Variants in PIERCE1 observed in about 807,000 individuals in gnomAD.
PIERCE1 encodes the protein piercer of microtubule wall 1 protein.
At chr9:135,495,912 C>T in the PIERCE1 span, among the ~76,000 whole-genome samples, 66,574 of 151,984 alleles carry the variant, frequency 0.44, 15,125 homozygotes, top group East Asian at 0.84. Flanking sequence ...TGGAGTCACC[C>T]CCAGGTCTGC....
chr9:135,495,383 G>A, the PIERCE1 span: 3 of 1,535,948 alleles, frequency 2.0e-6, no homozygotes, highest in Non-Finnish European at 2.6e-6. Context: ...GATTTTCCAG[G>A]AGGCCCTGGG....
At chr9:135,497,873 A>G in the PIERCE1 span, among the ~76,000 whole-genome samples, 1 of 152,334 alleles carries the variant, frequency 6.6e-6, no homozygotes, top group South Asian at 2.1e-4. Context: ...CAACTAAATA[A>G]GCACTCACCA....
the PIERCE1 span, among the ~76,000 whole-genome samples, chr9:135,496,794 A>ATTTTTTTTT: frequency 8.1e-6 from 1 of 122,748 alleles, no homozygotes; most frequent in African/African-American, 3.2e-5. Context: ...CCTTCAGTGC[A>ATTTTTTTTT]TTTTTTTTTT....
chr9:135,495,272 C>A, the PIERCE1 span: 2 of 675,816 alleles, frequency 3.0e-6, no homozygotes, highest in East Asian at 2.7e-5. Context: ...TTCACGGCCC[C>A]GTTTGCATAT....
chr9:135,499,732 G>C, the PIERCE1 span: 1 of 1,608,370 alleles, frequency 6.2e-7, no homozygotes, highest in South Asian at 1.1e-5. Context: ...ACCACCCCGG[G>C]TTGTTGAACC....
chr9:135,495,569 G>A, the PIERCE1 span: 572 of 1,613,522 alleles, frequency 3.5e-4, 1 homozygote, highest in Non-Finnish European at 4.3e-4. Context: ...CATTCCACCC[G>A]CTGCAAGTTG....
chr9:135,499,833 T>A, the PIERCE1 span: 1 of 1,593,922 alleles, frequency 6.3e-7, no homozygotes, highest in Non-Finnish European at 8.5e-7. Context: ...GCGCACGCTC[T>A]GGGGCATTCC....
chr9:135,498,896 G>A, the PIERCE1 span: 1 of 532,520 alleles, frequency 1.9e-6, no homozygotes, highest in Admixed American at 3.3e-5. The surrounding 1 kb of genome is among the most constrained non-coding windows in gnomAD (Gnocchi z 4.1). Context: ...CTCTTCCAAG[G>A]CAGGCCAAAG....
At chr9:135,495,492 T>C in the PIERCE1 span, 1 of 1,613,882 alleles carries the variant, frequency 6.2e-7, no homozygotes, top group African/African-American at 1.3e-5. Flanking sequence ...TCACAGGAGG[T>C]GATGCAGTTA....
the PIERCE1 span, chr9:135,498,487 C>G: frequency 2.2e-5 from 22 of 984,102 alleles, no homozygotes; most frequent in Admixed American, 2.0e-4. The surrounding 1 kb of genome is among the most constrained non-coding windows in gnomAD (Gnocchi z 4.1). Flanking sequence ...GCACCCCTCC[C>G]CGTCTCATTG....
the PIERCE1 span, among the ~76,000 whole-genome samples, chr9:135,497,846 C>G: frequency 1.3e-5 from 2 of 152,356 alleles, no homozygotes; most frequent in South Asian, 4.1e-4. Context: ...CACAAGGGCT[C>G]AGTCACTCAC....
the PIERCE1 span, chr9:135,498,480 C>G: frequency 3.3e-6 from 3 of 922,140 alleles, no homozygotes; most frequent in Non-Finnish European, 5.0e-6. The surrounding 1 kb of genome is among the most constrained non-coding windows in gnomAD (Gnocchi z 4.1). Flanking sequence ...CCTGGGTGCA[C>G]CCCTCCCCGT....
chr9:135,499,666 C>G, the PIERCE1 span: 1 of 1,600,002 alleles, frequency 6.2e-7, no homozygotes, highest in Admixed American at 1.7e-5. Context: ...ACGGGGCTAT[C>G]GAGCAGTGGA....
the PIERCE1 span, chr9:135,498,957 C>A: frequency 2.6e-6 from 1 of 390,974 alleles, no homozygotes; most frequent in South Asian, 3.2e-5. The surrounding 1 kb of genome is among the most constrained non-coding windows in gnomAD (Gnocchi z 4.1). Context: ...CTGGCAGGGC[C>A]TCGGCACATG....
At chr9:135,498,273 CGT>C in the PIERCE1 span, among the ~76,000 whole-genome samples, 1 of 151,796 alleles carries the variant, frequency 6.6e-6, no homozygotes, top group South Asian at 2.1e-4. The surrounding 1 kb of genome is among the most constrained non-coding windows in gnomAD (Gnocchi z 4.1). Context: ...GAGATGGTTG[CGT>C]GTGTGTGTGT....
chr9:135,498,670 G>A, the PIERCE1 span: 2 of 1,612,352 alleles, frequency 1.2e-6, no homozygotes, highest in South Asian at 1.1e-5. This position sits in a 1 kb window ranked among gnomAD's most constrained non-coding sequence, Gnocchi z 4.1. Flanking sequence ...GGTCCTGGTA[G>A]ATGAGAAACA....
At chr9:135,497,139 C>G in the PIERCE1 span, among the ~76,000 whole-genome samples, 3 of 152,134 alleles carry the variant, frequency 2.0e-5, no homozygotes, top group Admixed American at 1.3e-4. Flanking sequence ...CTTCTATTCC[C>G]ACATGGGAGG....
chr9:135,498,851 G>A, the PIERCE1 span: 14 of 603,496 alleles, frequency 2.3e-5, no homozygotes, highest in African/African-American at 2.0e-4. The surrounding 1 kb of genome is among the most constrained non-coding windows in gnomAD (Gnocchi z 4.1). Context: ...GAATGGCCCG[G>A]CCTCCCCGGC....
At chr9:135,499,732 G>A in the PIERCE1 span, 1 of 1,608,372 alleles carries the variant, frequency 6.2e-7, no homozygotes, top group Non-Finnish European at 8.5e-7. Flanking sequence ...ACCACCCCGG[G>A]TTGTTGAACC....
Sources: gnomAD v4.1 joint callset for allele counts (sites outside exome capture counted in the v4.1 genomes callset) on GRCh38, gnomAD v4.1.1 for gene constraint, Gnocchi (gnomAD v3.1) non-coding constraint, MANE v1.5 for transcripts, NCBI Gene and HGNC (gene_info 2026-07-23, HGNC 2026-07-21) for gene names.